Variants in SHISA9 observed in about 807,000 individuals in gnomAD.
The protein encoded by SHISA9 is protein shisa-9.
Under a neutral mutation model 38.0 loss-of-function variants are expected in SHISA9, and 13 were observed. The ratio of observed to expected loss-of-function variants is 0.34; its 90% CI spans 0.22 to 0.54. The LOEUF (loss-of-function observed/expected upper bound fraction) is 0.54, where lower values mean the gene tolerates loss of function less well. Ranked by LOEUF, SHISA9 falls within the 20% of genes least tolerant of loss-of-function variation. The pLI, the probability that SHISA9 is intolerant of heterozygous loss-of-function variation, is 0.91. For missense variants in SHISA9, 538 were observed against 575.8 expected (o/e 0.93, Z 0.67); for synonymous variants, 275 against 242.0 (o/e 1.14, Z -1.27).
At chr16:12,924,271 A>G (rs1023826012) in intron 2 of SHISA9, among the ~76,000 whole-genome samples, 1 of 152,166 alleles carries the variant, frequency 6.6e-6, no homozygotes. Flanking sequence ...GTGGGCAGGG[A>G]TGCATTTGCT....
the SHISA9 span, among the ~76,000 whole-genome samples, chr16:13,552,958 C>T: frequency 6.6e-6 from 1 of 151,928 alleles, no homozygotes; most frequent in Admixed American, 6.6e-5. Context: ...GCCAGATAAT[C>T]GTTTGTTGTG....
At chr16:13,081,321 A>C (rs1243736666) in intron 2 of SHISA9, among the ~76,000 whole-genome samples, 2 of 152,212 alleles carry the variant, frequency 1.3e-5, no homozygotes, top group Admixed American at 6.5e-5. Context: ...GGGATCATTT[A>C]GCACGGGAAG....
At chr16:13,133,590 C>T (rs181924020) in intron 2 of SHISA9, among the ~76,000 whole-genome samples, 2 of 152,256 alleles carry the variant, frequency 1.3e-5, no homozygotes, top group East Asian at 1.9e-4. Flanking sequence ...ATATGAAAAG[C>T]GGACTATTTT....
At chr16:13,324,386 C>T in the SHISA9 span, among the ~76,000 whole-genome samples, 1 of 152,084 alleles carries the variant, frequency 6.6e-6, no homozygotes, top group Non-Finnish European at 1.5e-5. Context: ...CCTCCAGGAT[C>T]CTGGCCCAGT....
At position 13,238,461 on chromosome 16, in the gene SHISA9, T is replaced by A. The variant is rs547597879; in HGVS notation, c.*3052T>A. 10 of 152,310 alleles carry A rather than the reference T, an allele frequency of 6.6e-5. No homozygotes were observed. The highest frequency in any genetic ancestry group is 1.4e-4 in the African/African-American group (6 of 41,562). 9.4% of individuals were successfully genotyped at this position (152,310 alleles called of 1,614,324 possible). On this transcript the variant is annotated 3_prime_UTR_variant, in exon 5 of 5. Coordinates refer to ENST00000558583, the MANE Select transcript of SHISA9 (RefSeq NM_001145204.3). ...TGCTCTTTGCCCCCAGTCCACTTCG[T>A]CCCACCCTTATCTCAACTCTGATTA...
the SHISA9 span, among the ~76,000 whole-genome samples, chr16:13,462,964 A>AAAATAAATAAAT: frequency 2.0e-5 from 3 of 150,062 alleles, no homozygotes; most frequent in Admixed American, 1.3e-4. Context: ...TCCATCTTAA[A>AAAATAAATAAAT]AAATAAATAA....
the SHISA9 span, among the ~76,000 whole-genome samples, chr16:13,259,787 G>A: frequency 1.3e-5 from 2 of 152,106 alleles, no homozygotes; most frequent in Non-Finnish European, 2.9e-5. Flanking sequence ...TCCCTAGGCT[G>A]CACACAGCAT....
chr16:13,457,742 G>A, the SHISA9 span, among the ~76,000 whole-genome samples: 1 of 151,876 alleles, frequency 6.6e-6, no homozygotes, highest in African/African-American at 2.4e-5. Flanking sequence ...AGAACTTTCT[G>A]TTGCCACCCT....
the SHISA9 span, among the ~76,000 whole-genome samples, chr16:13,278,557 T>G: frequency 6.6e-6 from 1 of 152,082 alleles, no homozygotes; most frequent in Non-Finnish European, 1.5e-5. Flanking sequence ...GGAGTTTTTT[T>G]GTTGGTAATT....
chr16:13,320,292 CAAAA>C, the SHISA9 span, among the ~76,000 whole-genome samples: 204 of 38,954 alleles, frequency 5.2e-3, no homozygotes, highest in African/African-American at 0.01. Context: ...GACTCTGTCT[CAAAA>C]AAAAAAAAAA....
At chr16:13,482,657 T>C in the SHISA9 span, among the ~76,000 whole-genome samples, 2 of 151,778 alleles carry the variant, frequency 1.3e-5, no homozygotes, top group Non-Finnish European at 2.9e-5. Flanking sequence ...AAAATTTAGC[T>C]TGGCGTGGTG....
At chr16:13,033,281 G>A (rs558733046) in intron 2 of SHISA9, among the ~76,000 whole-genome samples, 3 of 152,224 alleles carry the variant, frequency 2.0e-5, no homozygotes, top group Admixed American at 6.5e-5. Context: ...GAAGGGAGGC[G>A]GGAAGGTGGT....
chr16:13,181,587 A>G (rs183484223), intron 2 of SHISA9, among the ~76,000 whole-genome samples: 1 of 152,074 alleles, frequency 6.6e-6, no homozygotes, highest in East Asian at 1.9e-4. Context: ...TCTAAAGTGC[A>G]GCGGGAATTA....
the SHISA9 span, among the ~76,000 whole-genome samples, chr16:13,436,345 G>A: frequency 6.6e-6 from 1 of 152,208 alleles, no homozygotes; most frequent in Non-Finnish European, 1.5e-5. Context: ...TAATGCATTA[G>A]CATGCTAAAG....
chr16:13,240,797 G>A (rs558518081), downstream of SHISA9, among the ~76,000 whole-genome samples: 46 of 152,248 alleles, frequency 3.0e-4, no homozygotes, highest in African/African-American at 9.9e-4. Flanking sequence ...TGGAAGATTC[G>A]ATTCTTCCCC....
At chr16:13,515,496 C>A in the SHISA9 span, among the ~76,000 whole-genome samples, 2 of 151,898 alleles carry the variant, frequency 1.3e-5, no homozygotes, top group African/African-American at 4.8e-5. Flanking sequence ...TACCATTATC[C>A]CCATTTTAGA....
the SHISA9 span, among the ~76,000 whole-genome samples, chr16:13,475,896 A>G: frequency 3.9e-5 from 6 of 152,226 alleles, no homozygotes; most frequent in Admixed American, 3.3e-4. Context: ...TCGTGCTCCT[A>G]TGAGAATTGA....
At chr16:13,271,621 G>C in the SHISA9 span, among the ~76,000 whole-genome samples, 17 of 152,228 alleles carry the variant, frequency 1.1e-4, no homozygotes, top group Non-Finnish European at 2.4e-4. Flanking sequence ...AAGTGAAAAA[G>C]AAAAGAAAAA....
chr16:13,479,830 C>A, the SHISA9 span, among the ~76,000 whole-genome samples: 1 of 152,166 alleles, frequency 6.6e-6, no homozygotes, highest in African/African-American at 2.4e-5. Context: ...GTCAGGGATT[C>A]CCATGTGTGT....
Sources: allele counts gnomAD v4.1 joint callset (sites outside exome capture counted in the v4.1 genomes callset), GRCh38; gene constraint gnomAD v4.1.1; transcripts MANE v1.5; gene names NCBI Gene and HGNC (gene_info 2026-07-23, HGNC 2026-07-21).